TDRP: variants seen among roughly 807,000 people sequenced by gnomAD.
The protein encoded by TDRP is testis development-related protein.
TDRP carries 12 observed loss-of-function variants against 10.5 expected under a neutral mutation model. The ratio of observed to expected loss-of-function variants is 1.15; its 90% confidence interval spans 0.73 to 1.86. The LOEUF is 1.86. TDRP is among the 40% of genes most tolerant of loss of function. The pLI is 0.00. For missense variants in TDRP, 353 were observed against 229.2 expected (o/e 1.54, Z -3.49); for synonymous variants, 139 against 95.4 (o/e 1.46, Z -2.67).
chr8:503,858 C>T (rs1427891904), intron 1 of TDRP, among the ~76,000 whole-genome samples: 1 of 148,684 alleles, frequency 6.7e-6, no homozygotes. Flanking sequence ...CCCACCTCTG[C>T]ACACACCAAC....
intron 1 of TDRP, among the ~76,000 whole-genome samples, chr8:543,216 AGAG>A (rs980766799): frequency 9.2e-5 from 14 of 152,072 alleles, no homozygotes; most frequent in African/African-American, 2.2e-4. Context: ...AGAGGCTGAG[AGAG>A]GAGAATAGCT....
chr8:493,966 C>CA (rs926631904), intron 2 of TDRP, among the ~76,000 whole-genome samples: 3 of 147,378 alleles, frequency 2.0e-5, no homozygotes, highest in African/African-American at 7.5e-5. Flanking sequence ...CTTTTTTTTT[C>CA]ATCGAACACC....
At position 492,382 on chromosome 8, in the gene TDRP, T is replaced by G; in HGVS notation, c.*17A>C. 3 of 1,491,026 alleles carry G rather than the reference T, an allele frequency of 2.0e-6. No individual in the cohort carries two copies. The highest frequency in any genetic ancestry group is 2.7e-6 in the Non-Finnish European group (3 of 1,119,052). 92.4% of individuals were successfully genotyped at this position (1,491,026 alleles called of 1,614,324 possible). A position where few individuals can be genotyped will look rare whatever the true frequency, so the allele number is the denominator to read the frequency against. ...AAAAGGCCACCATGTCGGGGCACACTTGCCACGCAGCCCCCCTCACTCCGC... is the reference window on the plus strand; with the variant it reads ...AAAAGGCCACCATGTCGGGGCACACGTGCCACGCAGCCCCCCTCACTCCGC... On this transcript the variant is annotated 3_prime_UTR_variant, in exon 3 of 3. Transcript: ENST00000324079.
rs186846399 is a variant in TDRP at position 540,994 on chromosome 8, A to G, written c.108+3656T>C. ...GACCAAGAATGAAACAGAATTGAGAACTTCTAACATGACAGTGAATTTAAC... is the reference window on the plus strand; with the variant it reads ...GACCAAGAATGAAACAGAATTGAGAGCTTCTAACATGACAGTGAATTTAAC... On this transcript the variant is annotated intron_variant, in intron 1 of 2. Coordinates refer to ENST00000324079, the MANE Select transcript of TDRP (RefSeq NM_001384899.1). 1.6e-3 allele frequency among the ~76,000 whole-genome samples: 244 copies of G among 152,320 alleles called. 1 individual carries two copies. Among genetic ancestry groups the G allele is most frequent in the South Asian group, 0.016 (76 of 4,824 alleles).
chr8:545,362 G>A (rs1317730412), upstream of TDRP, among the ~76,000 whole-genome samples: 17 of 25,754 alleles, frequency 6.6e-4, no homozygotes, highest in Non-Finnish European at 1.2e-3. Context: ...CTCTACCCCC[G>A]AGCCCCCACC....
intron 1 of TDRP, among the ~76,000 whole-genome samples, chr8:516,161 G>A (rs1464637011): frequency 1.3e-5 from 2 of 152,176 alleles, no homozygotes; most frequent in African/African-American, 4.8e-5. Context: ...GTTCCTAAAT[G>A]TGGTGGTGTG....
intron 1 of TDRP, among the ~76,000 whole-genome samples, chr8:501,588 C>T (rs1292743882): frequency 2.6e-5 from 4 of 152,118 alleles, no homozygotes; most frequent in South Asian, 2.1e-4. Context: ...CTCAAGCGAT[C>T]CAACCGCCTC....
intron 1 of TDRP, among the ~76,000 whole-genome samples, chr8:539,213 G>C (rs1303505414): frequency 6.6e-6 from 1 of 152,202 alleles, no homozygotes; most frequent in East Asian, 1.9e-4. Context: ...TGATCAGGGT[G>C]AGATGGGAGT....
chr8:523,178 T>A (rs1801950440), intron 1 of TDRP, among the ~76,000 whole-genome samples: 1 of 152,210 alleles, frequency 6.6e-6, no homozygotes, highest in Non-Finnish European at 1.5e-5. Flanking sequence ...CCCCTAGGCA[T>A]TTTCTTTCTG....
chr8:515,077 G>A (rs1480372987), intron 1 of TDRP, among the ~76,000 whole-genome samples: 1 of 152,138 alleles, frequency 6.6e-6, no homozygotes, highest in Non-Finnish European at 1.5e-5. Flanking sequence ...CCACTCACCA[G>A]TTCTGTAACC....
chr8:522,429 A>T (rs546876476), intron 1 of TDRP, among the ~76,000 whole-genome samples: 47 of 152,272 alleles, frequency 3.1e-4, no homozygotes, highest in Non-Finnish European at 6.2e-4. Flanking sequence ...AGTGAGACTC[A>T]TCTCTCCCTT....
chr8:539,207 C>T (rs977418388), intron 1 of TDRP, among the ~76,000 whole-genome samples: 5 of 152,080 alleles, frequency 3.3e-5, no homozygotes, highest in Admixed American at 6.6e-5. Flanking sequence ...AAGAGGTGAT[C>T]AGGGTGAGAT....
chr8:501,181 G>A (rs1408599344), intron 1 of TDRP, among the ~76,000 whole-genome samples: 2 of 151,558 alleles, frequency 1.3e-5, no homozygotes, highest in Non-Finnish European at 2.9e-5. Context: ...ACTCCAGCCT[G>A]GGCGACAGAG....
intron 1 of TDRP, among the ~76,000 whole-genome samples, chr8:505,980 T>C (rs1310982899): frequency 6.6e-6 from 1 of 152,068 alleles, no homozygotes; most frequent in Non-Finnish European, 1.5e-5. Flanking sequence ...GGGAGCTATC[T>C]GGAAATGTGG....
rs1242562893 is a variant in TDRP, at chr8:494,564, C to T, written c.142G>A (p.Val48Met). The change falls in exon 2 of 3, where the codon GTG becomes ATG. Residue 48 changes from valine to methionine, a missense_variant. Coordinates refer to ENST00000324079, the MANE Select transcript of TDRP (RefSeq NM_001384899.1). ...QGASFRGWKE[V>M]TSLFNKDDEQ... is the part of the protein sequence containing the mutation. The stretch of plus-strand genomic sequence containing the variant: ...TCATCTTTGTTAAACAGTGAAGTCA[C>T]TTCTTTCCAACCTCGGAAACTTGCT... The T allele has an allele frequency of 1.2e-6, 2 of 1,613,832 alleles. No homozygotes were observed. Among genetic ancestry groups the T allele is most frequent in the African/African-American group, 1.3e-5 (1 of 74,932 alleles).
intron 1 of TDRP, among the ~76,000 whole-genome samples, chr8:501,830 T>C (rs1801310473): frequency 6.6e-6 from 1 of 152,184 alleles, no homozygotes; most frequent in Non-Finnish European, 1.5e-5. Context: ...GGCACTGGCG[T>C]CCCTGCAGTC....
intron 1 of TDRP, among the ~76,000 whole-genome samples, chr8:505,226 G>C (rs1261084726): frequency 6.6e-6 from 1 of 152,104 alleles, no homozygotes; most frequent in African/African-American, 2.4e-5. Flanking sequence ...ATATTCTTTT[G>C]TTCAGCAGGT....
chr8:504,006 T>C (rs1801383908), intron 1 of TDRP, among the ~76,000 whole-genome samples: 1 of 143,366 alleles, frequency 7.0e-6, no homozygotes, highest in African/African-American at 2.6e-5. Flanking sequence ...CTGGAACCAA[T>C]GCCCACCTCA....
upstream of TDRP, among the ~76,000 whole-genome samples, chr8:545,293 C>T (rs1361548081): frequency 6.8e-5 from 9 of 131,588 alleles, no homozygotes; most frequent in Non-Finnish European, 1.1e-4. Flanking sequence ...GGAAACGCCC[C>T]CATCCTGAGC....
Sources: allele counts gnomAD v4.1 joint callset (sites outside exome capture counted in the v4.1 genomes callset), GRCh38; gene constraint gnomAD v4.1.1; transcripts MANE v1.5; gene names NCBI Gene and HGNC (gene_info 2026-07-23, HGNC 2026-07-21).